The following SNX8 variants were observed in gnomAD, a reference collection of about 807,000 sequenced individuals.
SNX8 encodes the protein sorting nexin-8.
Under a neutral mutation model 51.6 loss-of-function variants are expected in SNX8, and 25 were observed. The ratio of observed to expected loss-of-function variants is 0.48; its 90% CI spans 0.35 to 0.68. SNX8 has a LOEUF of 0.68. SNX8 is among the 30% of genes least tolerant of loss of function. The pLI, the probability that SNX8 is intolerant of heterozygous loss-of-function variation, is 0.00. For synonymous variants in SNX8, 324 were observed against 277.0 expected (o/e 1.17, Z -1.68); for missense variants, 695 against 624.0 (o/e 1.11, Z -1.21).
At chr7:2,319,294 A>C (rs1277928122), upstream of SNX8, among the ~76,000 whole-genome samples, 1 of 152,020 alleles carries the variant, frequency 6.6e-6, no homozygotes, top group Non-Finnish European at 1.5e-5. Flanking sequence ...GTGAGCTGAG[A>C]TCACACCACT....
intron 1 of SNX8, among the ~76,000 whole-genome samples, chr7:2,298,589 C>T (rs1215267078): frequency 2.0e-5 from 3 of 151,882 alleles, no homozygotes; most frequent in African/African-American, 4.9e-5. Context: ...AGGCTGGTCT[C>T]GAACTCCTAA....
intron 7 of SNX8, 49 bp downstream of exon 7, chr7:2,263,181 G>A (rs753072995): frequency 6.2e-7 from 1 of 1,604,586 alleles, no homozygotes; most frequent in South Asian, 1.1e-5. Context: ...CCATGCAAAG[G>A]CATAGCGTGT....
intron 1 of SNX8, among the ~76,000 whole-genome samples, chr7:2,288,599 A>G (rs1241705796): frequency 6.6e-6 from 1 of 152,068 alleles, no homozygotes. Flanking sequence ...TGAGTTTTCT[A>G]CATGAGTGCC....
At chr7:2,330,945 G>A (rs1033790965) in intron 1 of SNX8, among the ~76,000 whole-genome samples, 1 of 152,022 alleles carries the variant, frequency 6.6e-6, no homozygotes, top group African/African-American at 2.4e-5. Context: ...AAAACTTTGG[G>A]AGGCCGAGGC....
chr7:2,278,412 G>A, intron 1 of SNX8, 107 bp from the exon 2 acceptor site: 1 of 671,114 alleles, frequency 1.5e-6, no homozygotes. Context: ...GGGAGGCCCA[G>A]GAGGGAGTAT....
In SNX8 at chr7:2,254,999, A is replaced by T; in HGVS notation, c.*57T>A. 8.7e-7 allele frequency: 1 copy of T among 1,148,648 alleles called. No individual in the cohort carries two copies. The highest frequency in any genetic ancestry group is 1.3e-6 in the Non-Finnish European group (1 of 782,994). The allele number at this position is 1,148,648 out of a possible 1,614,324, so 71.2% of individuals were successfully genotyped here. A position where few individuals can be genotyped will look rare whatever the true frequency, so the allele number is the denominator to read the frequency against. On this transcript the variant is annotated 3_prime_UTR_variant, in exon 11 of 11. Coordinates refer to ENST00000222990, the MANE Select transcript of SNX8 (RefSeq NM_013321.4). ...TCCAAAGGGAATTACACCGGGACAC[A>T]CCGTTTGGAAAGAGGTTTTAGTGCG...
At chr7:2,275,086 C>A in intron 3 of SNX8, 26 bp downstream of exon 3, 1 of 1,517,424 alleles carries the variant, frequency 6.6e-7, no homozygotes, top group African/African-American at 1.4e-5. Context: ...CCCTCCGCCC[C>A]CGGTGGGCAG....
intron 1 of SNX8, among the ~76,000 whole-genome samples, chr7:2,301,452 G>A (rs576707452): frequency 1.3e-5 from 2 of 152,242 alleles, no homozygotes; most frequent in Non-Finnish European, 2.9e-5. Context: ...TTTTATTGAA[G>A]CAGCAGCACG....
At chr7:2,346,921 C>CAAAAAAAA (rs758069233) in intron 1 of SNX8, among the ~76,000 whole-genome samples, 7 of 49,560 alleles carry the variant, frequency 1.4e-4, no homozygotes, top group African/African-American at 2.3e-4. Context: ...GACTCCGTCT[C>CAAAAAAAA]AAAAAAAAAA....
upstream of SNX8, among the ~76,000 whole-genome samples, chr7:2,317,646 C>G: frequency 6.6e-6 from 1 of 151,968 alleles, no homozygotes; most frequent in Non-Finnish European, 1.5e-5. Flanking sequence ...GAGCCCAGAA[C>G]CATGTCAGTT....
At chr7:2,304,352 G>A (rs1004889044) in intron 1 of SNX8, among the ~76,000 whole-genome samples, 1 of 150,694 alleles carries the variant, frequency 6.6e-6, no homozygotes, top group South Asian at 2.1e-4. Context: ...AGACCATCCT[G>A]GCTAACAGGG....
In SNX8 at chr7:2,277,804, A is replaced by G. The variant is rs552435195; in HGVS notation, c.300+296T>C. On this transcript the variant is annotated intron_variant, in intron 2 of 10. Coordinates refer to ENST00000222990, the MANE Select transcript of SNX8 (RefSeq NM_013321.4). ...CCTGGGCGACAGAGCAAGACTCCAC[A>G]TCGGGGAAAAAAAAAAAAGAAACAG... 7.0e-3 allele frequency among the ~76,000 whole-genome samples: 938 copies of G among 133,118 alleles called. 2 individuals are homozygous for G. The highest frequency in any genetic ancestry group is 0.022 in the South Asian group (89 of 4,046). The allele number at this position is 133,118 out of a possible 152,430, so 87.3% of individuals were successfully genotyped here.
chr7:2,291,072 G>A (rs1796140019), intron 1 of SNX8, among the ~76,000 whole-genome samples: 1 of 151,964 alleles, frequency 6.6e-6, no homozygotes. Flanking sequence ...GGCTGGAGAG[G>A]ATCACTTGAG....
At chr7:2,266,197 G>C (rs572404183) in intron 5 of SNX8, among the ~76,000 whole-genome samples, 1 of 151,926 alleles carries the variant, frequency 6.6e-6, no homozygotes, top group Non-Finnish European at 1.5e-5. Context: ...TGTTGTTGTC[G>C]TCTTTGACAC....
At chr7:2,326,992 C>A (rs1375834952) in intron 1 of SNX8, among the ~76,000 whole-genome samples, 1 of 152,074 alleles carries the variant, frequency 6.6e-6, no homozygotes, top group Admixed American at 6.6e-5. Context: ...AACTTGGTGG[C>A]TTGAAACAAC....
chr7:2,327,716 G>A (rs1351764721), intron 1 of SNX8, among the ~76,000 whole-genome samples: 2 of 150,116 alleles, frequency 1.3e-5, no homozygotes, highest in East Asian at 2.0e-4. Flanking sequence ...CTAATTTTTT[G>A]TATTTTAAGT....
At chr7:2,255,205 G>A (rs1237854501) in intron 10 of SNX8, 36 bp from the exon 11 acceptor site, 8 of 1,333,172 alleles carry the variant, frequency 6.0e-6, no homozygotes, top group African/African-American at 4.4e-5. Flanking sequence ...ATCAGCAGGC[G>A]GGGCCGGGGC....
chr7:2,294,598 C>T (rs973942067), intron 1 of SNX8, among the ~76,000 whole-genome samples: 10 of 152,226 alleles, frequency 6.6e-5, no homozygotes, highest in African/African-American at 2.2e-4. Flanking sequence ...CCAGGCTACT[C>T]AGTGACACCA....
intron 5 of SNX8, 120 bp from the exon 6 acceptor site, chr7:2,264,578 C>A: frequency 2.3e-6 from 2 of 876,302 alleles, no homozygotes; most frequent in Non-Finnish European, 3.5e-6. Context: ...TGAGCCACCC[C>A]GGGAGCCCCA....
Sources: gnomAD v4.1 joint callset for allele counts (sites outside exome capture counted in the v4.1 genomes callset) on GRCh38, gnomAD v4.1.1 for gene constraint, MANE v1.5 for transcripts, NCBI Gene and HGNC (gene_info 2026-07-23, HGNC 2026-07-21) for gene names.